Variants in SMIM10L3 observed in about 807,000 individuals in gnomAD.
SMIM10L3 encodes the protein salivary gland specific protein SAGSIN1.
chr7:6,344,234 A>C, the SMIM10L3 span, among the ~76,000 whole-genome samples: 1 of 152,214 alleles, frequency 6.6e-6, no homozygotes, highest in African/African-American at 2.4e-5. Flanking sequence ...GAAAGCCACA[A>C]AAATTAAACC....
chr7:6,343,136 G>T, the SMIM10L3 span, among the ~76,000 whole-genome samples: 4 of 151,608 alleles, frequency 2.6e-5, no homozygotes, highest in African/African-American at 9.7e-5. Context: ...CAGCACCTTG[G>T]GAGGCCGAGG....
the SMIM10L3 span, among the ~76,000 whole-genome samples, chr7:6,344,938 A>G: frequency 6.6e-6 from 1 of 150,940 alleles, no homozygotes; most frequent in Admixed American, 6.6e-5. Context: ...ATGGGGTTTC[A>G]CCATGTTGGC....
At chr7:6,334,948 AAT>A in the SMIM10L3 span, among the ~76,000 whole-genome samples, 1 of 145,702 alleles carries the variant, frequency 6.9e-6, no homozygotes, top group East Asian at 2.1e-4. Context: ...TTGTATTTTT[AAT>A]AGAGACGGGT....
chr7:6,335,998 C>T, the SMIM10L3 span, among the ~76,000 whole-genome samples: 4,071 of 152,032 alleles, frequency 0.027, 210 homozygotes, highest in African/African-American at 0.093. Flanking sequence ...CACGGTGAAA[C>T]CCCGTCTCTA....
At chr7:6,341,675 G>A in the SMIM10L3 span, among the ~76,000 whole-genome samples, 2 of 147,224 alleles carry the variant, frequency 1.4e-5, no homozygotes, top group Non-Finnish European at 3.0e-5. Flanking sequence ...GGGCCACAGA[G>A]CAAGACTCTG....
the SMIM10L3 span, chr7:6,348,432 A>G: frequency 1.3e-5 from 5 of 396,456 alleles, no homozygotes; most frequent in African/African-American, 2.1e-5. Flanking sequence ...GATCTCCCCA[A>G]AGTAGGGTCG....
chr7:6,334,135 C>A, the SMIM10L3 span, among the ~76,000 whole-genome samples: 1 of 151,096 alleles, frequency 6.6e-6, no homozygotes, highest in Admixed American at 6.6e-5. Context: ...CGTGAGCCAC[C>A]GCACCCAGCC....
the SMIM10L3 span, chr7:6,331,206 G>A: frequency 6.5e-7 from 1 of 1,545,632 alleles, no homozygotes; most frequent in Non-Finnish European, 8.7e-7. Context: ...CGTCAGTCTG[G>A]GAGGGCCTTC....
the SMIM10L3 span, chr7:6,330,476 A>G: frequency 6.2e-7 from 1 of 1,614,138 alleles, no homozygotes; most frequent in Non-Finnish European, 8.5e-7. Context: ...ATTTTCTTGA[A>G]TTCTATTGTT....
the SMIM10L3 span, among the ~76,000 whole-genome samples, chr7:6,339,885 C>CAGTT: frequency 6.6e-6 from 1 of 150,924 alleles, no homozygotes; most frequent in Non-Finnish European, 1.5e-5. Flanking sequence ...CGGCGTCAGG[C>CAGTT]AACTGACTTT....
chr7:6,336,971 AC>A, the SMIM10L3 span, among the ~76,000 whole-genome samples: 6 of 151,958 alleles, frequency 3.9e-5, no homozygotes, highest in South Asian at 1.0e-3. Flanking sequence ...TTCAAACCTT[AC>A]ATTTATTTTG....
chr7:6,344,893 C>T, the SMIM10L3 span, among the ~76,000 whole-genome samples: 1 of 151,986 alleles, frequency 6.6e-6, no homozygotes, highest in Non-Finnish European at 1.5e-5. Context: ...AGGCGCATGC[C>T]GCCATGCCCG....
At chr7:6,334,085 A>G in the SMIM10L3 span, among the ~76,000 whole-genome samples, 13 of 150,992 alleles carry the variant, frequency 8.6e-5, no homozygotes, top group African/African-American at 2.9e-4. Context: ...TGACCTCGTG[A>G]TCCGCCCACC....
the SMIM10L3 span, among the ~76,000 whole-genome samples, chr7:6,335,371 C>T: frequency 3.7e-3 from 550 of 150,204 alleles, 17 homozygotes; most frequent in Admixed American, 0.034. Context: ...TACAAGCGCC[C>T]GCCACCACGC....
At chr7:6,339,042 C>T in the SMIM10L3 span, among the ~76,000 whole-genome samples, 3 of 152,108 alleles carry the variant, frequency 2.0e-5, no homozygotes, top group African/African-American at 4.8e-5. Flanking sequence ...GAAACAAACC[C>T]CCGGATTTCC....
chr7:6,347,167 A>G, the SMIM10L3 span, among the ~76,000 whole-genome samples: 1 of 152,110 alleles, frequency 6.6e-6, no homozygotes, highest in Admixed American at 6.6e-5. Context: ...TCTCTACCAA[A>G]AAGGAAAATA....
the SMIM10L3 span, chr7:6,348,907 C>G: frequency 1.6e-5 from 6 of 385,396 alleles, no homozygotes; most frequent in Non-Finnish European, 2.7e-5. Flanking sequence ...GGAGTCCGCA[C>G]GTCACGCTCG....
chr7:6,337,323 T>C, the SMIM10L3 span, among the ~76,000 whole-genome samples: 1 of 151,982 alleles, frequency 6.6e-6, no homozygotes, highest in Non-Finnish European at 1.5e-5. Context: ...GGTTTTACCA[T>C]GATGGCCAGG....
chr7:6,342,345 G>C, the SMIM10L3 span, among the ~76,000 whole-genome samples: 2 of 151,966 alleles, frequency 1.3e-5, no homozygotes, highest in African/African-American at 4.8e-5. Context: ...AGGAGCTGGA[G>C]ACCAGCCCAG....
Sources: gnomAD v4.1 joint callset for allele counts (sites outside exome capture counted in the v4.1 genomes callset) on GRCh38, gnomAD v4.1.1 for gene constraint, MANE v1.5 for transcripts, NCBI Gene and HGNC (gene_info 2026-07-23, HGNC 2026-07-21) for gene names.